Variants in ADARB1 observed in about 807,000 individuals in gnomAD.
ADARB1 encodes double-stranded RNA-specific editase 1.
A neutral mutation model predicts 52.4 loss-of-function variants in ADARB1; 10 were observed. The ratio of observed to expected loss-of-function variants is 0.19; its 90% confidence interval spans 0.12 to 0.32. The LOEUF is 0.32. Among genes scored for constraint, ADARB1 ranks in the 10% least tolerant of loss-of-function variants. ADARB1 has a pLI of 1.00. For missense variants in ADARB1, 643 were observed against 922.3 expected, an observed-to-expected ratio of 0.70 and a Z score of 3.92; for synonymous variants, 349 against 371.1, an observed-to-expected ratio of 0.94 and a Z score of 0.68.
Position 45,223,854 on chromosome 21 carries a change from G to C in ADARB1, c.*1657G>C. On this transcript the variant is annotated 3_prime_UTR_variant, in exon 11 of 11. Transcript: ENST00000348831. ...TCGTCGCAGCACGGCAGGAAGGGGTGCTGCTTAGGGCTCATTGTTGGGGAC... is the reference window on the plus strand; with the variant it reads ...TCGTCGCAGCACGGCAGGAAGGGGTCCTGCTTAGGGCTCATTGTTGGGGAC... 2.0e-6 allele frequency: 2 copies of C among 985,416 alleles called. No individual in the cohort carries two copies. The highest frequency in any genetic ancestry group is 2.4e-6 in the Non-Finnish European group (2 of 829,952). The allele number at this position is 985,416 out of a possible 1,614,324, so 61.0% of individuals were successfully genotyped here. A position where few individuals can be genotyped will look rare whatever the true frequency, so the allele number is the denominator to read the frequency against.
intron 8 of ADARB1, among the ~76,000 whole-genome samples, chr21:45,188,253 C>G (rs1311463620): frequency 6.6e-6 from 1 of 151,988 alleles, no homozygotes. Context: ...ATTACAGGTG[C>G]CTACCACCAT....
At chr21:45,205,681 A>G (rs1376190665) in intron 9 of ADARB1, among the ~76,000 whole-genome samples, 1 of 152,232 alleles carries the variant, frequency 6.6e-6, no homozygotes. Flanking sequence ...CTAACAGTAA[A>G]GTGAACAGGA....
In ADARB1 at chr21:45,131,119, A is replaced by G. The variant is rs534423476; in HGVS notation, c.-48+2546A>G. On this transcript the variant is annotated intron_variant, in intron 2 of 10. Coordinates refer to ENST00000348831, the MANE Select transcript of ADARB1 (RefSeq NM_001112.4). The stretch of plus-strand genomic sequence containing the variant: ...AATGTTAAAAAGCAGTGTCATGCTG[A>G]AATGTAATATAAAGAGAAACTGAAG... Among the ~76,000 whole-genome samples, 8 of 152,372 alleles carry G rather than the reference A, an allele frequency of 5.3e-5. No homozygotes were observed. In the South Asian group the frequency reaches 1.7e-3, roughly 32 times the overall value.
chr21:45,176,637 T>G lies in ADARB1; in HGVS notation c.936T>G (p.Ser312Arg). The G allele has an allele frequency of 6.2e-7, 1 of 1,612,262 alleles. No individual in the cohort carries two copies. Among genetic ancestry groups the G allele is most frequent in the Non-Finnish European group, 8.5e-7 (1 of 1,179,116 alleles). ...CGCCATCTCGCCAGCCTATTCCCAGTGAGGGTCTTCAGCTGCATTTACCGC... is the reference window on the plus strand; with the variant it reads ...CGCCATCTCGCCAGCCTATTCCCAGGGAGGGTCTTCAGCTGCATTTACCGC... ...DQTPSRQPIP[S>R]EGLQLHLPQV... Residue 312 changes from serine to arginine, a missense_variant, in exon 4 of 11, where the codon AGT becomes AGG. Around this residue, in one of 2 missense-constraint regions of ADARB1, gnomAD observed 380 missense variants for 446.5 expected, o/e 0.85. Transcript: ENST00000348831. This position sits in a 1 kb window ranked among gnomAD's most constrained non-coding sequence, Gnocchi z 5.8.
intron 3 of ADARB1, among the ~76,000 whole-genome samples, chr21:45,174,592 A>G (rs922103540): frequency 5.9e-5 from 9 of 151,934 alleles, no homozygotes; most frequent in African/African-American, 2.2e-4. Context: ...AGTCCCAGCT[A>G]CTCGGGAGGC....
intron 1 of ADARB1, among the ~76,000 whole-genome samples, chr21:45,077,562 G>GAA (rs2085990328): frequency 6.6e-6 from 1 of 152,196 alleles, no homozygotes; most frequent in South Asian, 2.1e-4. Context: ...AGCTACTTGG[G>GAA]AGGCTGAGGC....
chr21:45,088,438 A>G (rs937865378), intron 1 of ADARB1, among the ~76,000 whole-genome samples: 2 of 152,252 alleles, frequency 1.3e-5, no homozygotes, highest in Non-Finnish European at 2.9e-5. Context: ...GTATAGGTGT[A>G]TAATCTATAA....
intron 2 of ADARB1, among the ~76,000 whole-genome samples, chr21:45,130,608 A>G (rs1157131705): frequency 6.6e-6 from 1 of 152,202 alleles, no homozygotes; most frequent in Non-Finnish European, 1.5e-5. Flanking sequence ...AACATGAAAG[A>G]TTTTGGCTGG....
At chr21:45,126,871 A>G (rs1014037361) in intron 1 of ADARB1, among the ~76,000 whole-genome samples, 7 of 152,230 alleles carry the variant, frequency 4.6e-5, no homozygotes, top group African/African-American at 1.7e-4. Flanking sequence ...CCCATCCTGC[A>G]GACGGCCCAG....
chr21:45,164,145 CGT>C (rs2091131095), intron 2 of ADARB1, among the ~76,000 whole-genome samples: 1 of 152,214 alleles, frequency 6.6e-6, no homozygotes, highest in Admixed American at 6.5e-5. Flanking sequence ...GCCACTGCCA[CGT>C]CGCAGGCACC....
chr21:45,183,633 A>G (rs2092001890), intron 7 of ADARB1, 123 bp downstream of exon 7: 2 of 1,124,046 alleles, frequency 1.8e-6, no homozygotes, highest in African/African-American at 1.6e-5. Flanking sequence ...TGTGGATCTG[A>G]TAAGAGTCTC....
Position 45,162,948 on chromosome 21 carries a change from G to A in ADARB1, c.-47-8662G>A, listed in dbSNP as rs563772786. Among the ~76,000 whole-genome samples, 20 of 152,322 alleles carry A rather than the reference G, an allele frequency of 1.3e-4. No individual in the cohort carries two copies. In the South Asian group the frequency reaches 3.3e-3, roughly 25 times the overall value. On this transcript the variant is annotated intron_variant, in intron 2 of 10. Transcript: ENST00000348831. The stretch of plus-strand genomic sequence containing the variant: ...GCACCAGACACTTCAGACCCAGGTC[G>A]GAGAGCTCGAGGGCCTGAAACAGGC...
intron 1 of ADARB1, among the ~76,000 whole-genome samples, chr21:45,123,054 AT>A (rs199870850): frequency 1.3e-4 from 19 of 150,786 alleles, no homozygotes; most frequent in Admixed American, 5.9e-4. Flanking sequence ...CATTGCTGGC[AT>A]TTTTTTTTGT....
chr21:45,205,824 C>A (rs532157536), intron 9 of ADARB1, among the ~76,000 whole-genome samples: 4 of 152,194 alleles, frequency 2.6e-5, no homozygotes, highest in South Asian at 2.1e-4. Context: ...ATAATCCTAA[C>A]CTGAAACACG....
chr21:45,079,901 G>A (rs1201585514), intron 1 of ADARB1, among the ~76,000 whole-genome samples: 1 of 152,194 alleles, frequency 6.6e-6, no homozygotes, highest in Non-Finnish European at 1.5e-5. Flanking sequence ...AGAGGAGCAG[G>A]AGATGAGGAA....
In ADARB1 at chr21:45,223,358, TGCCCAGC is replaced by T. The variant is rs2092997870; in HGVS notation, c.*1170_*1176del. On this transcript the variant is annotated 3_prime_UTR_variant, in exon 11 of 11. Coordinates refer to ENST00000348831, the MANE Select transcript of ADARB1 (RefSeq NM_001112.4). ...GACAGTCCTGACGGGAGCTCAGGGC[TGCCCAGC>T]GCCCAGCGTGCACGGGACGGCCCCA... The T allele has an allele frequency of 1.0e-6, 1 of 985,554 alleles. No homozygotes were observed. The highest frequency in any genetic ancestry group is 1.7e-5 in the African/African-American group (1 of 57,362). 61.1% of individuals were successfully genotyped at this position (985,554 alleles called of 1,614,324 possible). A position where few individuals can be genotyped will look rare whatever the true frequency, so the allele number is the denominator to read the frequency against.
In ADARB1 at chr21:45,193,171, A is replaced by T. The variant is rs1020318600; in HGVS notation, c.1565+8080A>T. On this transcript the variant is annotated intron_variant, in intron 8 of 10. Transcript: ENST00000348831. Reference sequence around the variant, plus strand: ...CTACATGTTAAAATGTGTCATGAACATAGATCCAAAAGTTCTAGCAAAACT... The same window carrying T: ...CTACATGTTAAAATGTGTCATGAACTTAGATCCAAAAGTTCTAGCAAAACT... 3.3e-5 allele frequency among the ~76,000 whole-genome samples: 5 copies of T among 152,254 alleles called. No individual in the cohort carries two copies. In the South Asian group the frequency reaches 1.0e-3, roughly 32 times the overall value.
Position 45,074,675 on chromosome 21 carries a change from C to A in ADARB1, c.-338C>A, listed in dbSNP as rs1349659505. The A allele has an allele frequency of 4.2e-5, 6 of 144,310 alleles. No individual in the cohort carries two copies. The highest frequency in any genetic ancestry group is 1.9e-4 in the South Asian group (1 of 5,310). 8.9% of individuals were successfully genotyped at this position (144,310 alleles called of 1,614,324 possible). On this transcript the variant is annotated 5_prime_UTR_variant, in exon 1 of 11. Coordinates refer to ENST00000348831, the MANE Select transcript of ADARB1 (RefSeq NM_001112.4). Reference sequence around the variant, plus strand: ...GCCGGGGCTCCGGGCCGCGCGAGGCCACGGCCACGCCGCGCCGCTGCGCAC... The same window carrying A: ...GCCGGGGCTCCGGGCCGCGCGAGGCAACGGCCACGCCGCGCCGCTGCGCAC...
At chr21:45,111,402 C>G (rs1156703434) in intron 1 of ADARB1, among the ~76,000 whole-genome samples, 1 of 152,194 alleles carries the variant, frequency 6.6e-6, no homozygotes, top group Non-Finnish European at 1.5e-5. Context: ...ACAGCCTCCC[C>G]CATTATCAAC....
Sources: allele counts gnomAD v4.1 joint callset (sites outside exome capture counted in the v4.1 genomes callset), GRCh38; gene constraint gnomAD v4.1.1; regional missense constraint gnomAD v4.1.1; non-coding constraint Gnocchi (gnomAD v3.1); transcripts MANE v1.5; gene names NCBI Gene and HGNC (gene_info 2026-07-23, HGNC 2026-07-21).